The following TFAP2A variants were observed in gnomAD, a reference collection of about 807,000 sequenced individuals.
TFAP2A encodes the protein transcription factor AP-2-alpha.
Under a neutral mutation model 41.5 loss-of-function variants are expected in TFAP2A, and 7 were observed. The ratio of observed to expected loss-of-function variants is 0.17; its 90% confidence interval spans 0.10 to 0.32. The LOEUF is 0.32. TFAP2A is among the 10% of genes least tolerant of loss of function. TFAP2A has a pLI of 1.00. For synonymous variants in TFAP2A, 247 were observed against 242.8 expected, an observed-to-expected ratio of 1.02 and a Z score of -0.16; for missense variants, 416 against 563.3, an observed-to-expected ratio of 0.74 and a Z score of 2.65.
At chr6:10,419,638 AGCT>A (rs759941563), upstream of TFAP2A, 5 of 690,256 alleles carry the variant, frequency 7.2e-6, no homozygotes, top group Non-Finnish European at 1.3e-5. Context: ...TCACTCCGCC[AGCT>A]GCAGTCCCAG....
chr6:10,410,600 C>T (rs772898319), intron 1 of TFAP2A, among the ~76,000 whole-genome samples: 9 of 152,168 alleles, frequency 5.9e-5, no homozygotes, highest in Non-Finnish European at 1.2e-4. Flanking sequence ...AAAAGGGTCT[C>T]CTGGAACACA....
At chr6:10,414,824 TG>T in intron 1 of TFAP2A, 116 bp downstream of exon 1, 2 of 1,379,008 alleles carry the variant, frequency 1.5e-6, no homozygotes, top group Non-Finnish European at 2.1e-6. Flanking sequence ...GGCGCTGCGC[TG>T]GGGAAAGTTT....
chr6:10,400,554 C>T lies in TFAP2A; in HGVS notation c.925G>A (p.Val309Met), dbSNP rs377114324. 111 of 1,613,988 alleles carry T rather than the reference C, an allele frequency of 6.9e-5. No individual in the cohort carries two copies. Among genetic ancestry groups the T allele is most frequent in the Non-Finnish European group, 8.7e-5 (103 of 1,180,026 alleles). The change falls in exon 6 of 7, where the codon GTG (valine) becomes ATG (methionine). Residue 309 changes from valine (V) to methionine (M), a missense_variant. Physicochemically the swap from Val to Met is conservative, Grantham distance 21 (BLOSUM62 1). Coordinates refer to ENST00000379613, the MANE Select transcript of TFAP2A (RefSeq NM_001372066.1). Reference protein sequence around the residue: ...AVHLARDFGYVCETEFPAKAV... With the variant: ...AVHLARDFGYMCETEFPAKAV... Reference sequence around the variant, plus strand: ...TTGGCAGGAAATTCGGTTTCGCACACGTACCCAAAGTCCCTGGCTAGGTGG... The same window carrying T: ...TTGGCAGGAAATTCGGTTTCGCACATGTACCCAAAGTCCCTGGCTAGGTGG...
At position 10,410,075 on chromosome 6, in the gene TFAP2A, G is replaced by C. The variant is rs757104358; in HGVS notation, c.312C>G (p.Ser104Arg). The change falls in exon 2 of 7, where the codon AGC becomes AGG. Residue 104 changes from serine (S) to arginine (R), a missense_variant. Physicochemically the swap from Ser to Arg is moderately radical, Grantham distance 110. Coordinates refer to ENST00000379613, the MANE Select transcript of TFAP2A (RefSeq NM_001372066.1). Reference protein sequence around the residue: ...QHPGWPGQRQSQESGLLHTHR... With the variant: ...QHPGWPGQRQRQESGLLHTHR... ...GCGTGTGCAGGAGCCCAGACTCCTG[G>C]CTCTGCCTCTGGCCGGGCCAGCCTG... The C allele has an allele frequency of 1.9e-6, 3 of 1,612,862 alleles. No individual in the cohort carries two copies. Among genetic ancestry groups the C allele is most frequent in the Non-Finnish European group, 2.5e-6 (3 of 1,179,888 alleles).
chr6:10,411,595 A>G, intron 1 of TFAP2A: 1 of 1,614,088 alleles, frequency 6.2e-7, no homozygotes, highest in Non-Finnish European at 8.5e-7. Context: ...GTGAACTAAC[A>G]TCTGCGAAGA....
At chr6:10,404,475 G>A in intron 4 of TFAP2A, 33 bp downstream of exon 4, 1 of 1,448,612 alleles carries the variant, frequency 6.9e-7, no homozygotes, top group Non-Finnish European at 9.2e-7. Flanking sequence ...CCCGGCCGCG[G>A]GGCGGGGCGG....
chr6:10,401,723 C>A (rs1025856273), intron 5 of TFAP2A, among the ~76,000 whole-genome samples: 1 of 152,100 alleles, frequency 6.6e-6, no homozygotes, highest in African/African-American at 2.4e-5. Flanking sequence ...AAGAAAAACA[C>A]AGGAGAGCTA....
At chr6:10,414,829 A>C in intron 1 of TFAP2A, 112 bp downstream of exon 1, 1 of 1,431,594 alleles carries the variant, frequency 7.0e-7, no homozygotes, top group Non-Finnish European at 9.8e-7. Flanking sequence ...TGCGCTGGGG[A>C]AAGTTTGTCC....
chr6:10,414,699 A>C, intron 1 of TFAP2A: 1 of 634,612 alleles, frequency 1.6e-6, no homozygotes, highest in Admixed American at 2.5e-5. Context: ...AAAATTGGTC[A>C]GAAAGGGGAG....
chr6:10,397,070 C>T lies in TFAP2A; in HGVS notation c.*1347G>A, dbSNP rs573067252. 1.6e-4 allele frequency: 25 copies of T among 152,542 alleles called. No homozygotes were observed. Among genetic ancestry groups the T allele is most frequent in the Non-Finnish European group, 2.9e-4 (20 of 68,026 alleles). 9.4% of individuals were successfully genotyped at this position (152,542 alleles called of 1,614,324 possible). On this transcript the variant is annotated 3_prime_UTR_variant, in exon 7 of 7. Transcript: ENST00000379613. Reference sequence around the variant, plus strand: ...TAAAGCGTATCAAATATTTATTTATCTGGGCAACAAAGGACTATGATACAT... The same window carrying T: ...TAAAGCGTATCAAATATTTATTTATTTGGGCAACAAAGGACTATGATACAT...
chr6:10,414,271 G>T (rs763808578), intron 1 of TFAP2A, among the ~76,000 whole-genome samples: 12 of 152,218 alleles, frequency 7.9e-5, no homozygotes, highest in Non-Finnish European at 1.8e-4. Context: ...CGTCGATCCT[G>T]TAGCTCAGAG....
intron 1 of TFAP2A, chr6:10,411,812 G>A: frequency 7.0e-7 from 1 of 1,436,618 alleles, no homozygotes; most frequent in Non-Finnish European, 9.1e-7. Flanking sequence ...GCCTTCAGCT[G>A]GTCGAACCCA....
intron 2 of TFAP2A, 122 bp from the exon 3 acceptor site, chr6:10,406,966 A>G: frequency 2.5e-6 from 2 of 812,476 alleles, no homozygotes; most frequent in South Asian, 2.8e-5. Context: ...GTATAATGAC[A>G]TTTATATATA....
chr6:10,415,154 GGAGGAGGAGGAAGAGGAGGGC>G, upstream of TFAP2A: 1 of 1,528,426 alleles, frequency 6.5e-7, no homozygotes, highest in Non-Finnish European at 8.8e-7. Flanking sequence ...AGGGCAAGGA[GGAGGAGGAGGAAGAGGAGGGC>G]GAGGAGGAGG....
At chr6:10,409,498 A>T (rs1757855565) in intron 2 of TFAP2A, 2 of 219,610 alleles carry the variant, frequency 9.1e-6, no homozygotes, top group Non-Finnish European at 1.9e-5. Context: ...AGGACATTTA[A>T]TGAGCTCTTT....
chr6:10,414,302 C>T (rs961857648), intron 1 of TFAP2A, among the ~76,000 whole-genome samples: 1 of 152,174 alleles, frequency 6.6e-6, no homozygotes, highest in African/African-American at 2.4e-5. Context: ...CTTAGAACTT[C>T]GTGAAGCACA....
Position 10,402,205 on chromosome 6 carries a change from C to CAG in TFAP2A, c.889+286_889+287insCT, listed in dbSNP as rs1160860. On this transcript the variant is annotated intron_variant, in intron 5 of 6. Transcript: ENST00000379613. The stretch of plus-strand genomic sequence containing the variant: ...TTACTGCTGAGCCCTTTAAAGGAGA[C>CAG]AAACTTGGAGAATGTGCAGTTCTTA... 107,347 of 491,704 alleles carry CAG rather than the reference C, an allele frequency of 0.22. 18,283 individuals are homozygous for CAG. The highest frequency in any genetic ancestry group is 0.66 in the African/African-American group (33,559 of 51,036). The allele number at this position is 491,704 out of a possible 1,614,324, so 30.5% of individuals were successfully genotyped here.
rs553720837 is a variant in TFAP2A, at chr6:10,402,441, T to C, written c.889+51A>G. On this transcript the variant is annotated intron_variant, in intron 5 of 6. Coordinates refer to ENST00000379613, the MANE Select transcript of TFAP2A (RefSeq NM_001372066.1). ...CCAAACATCTGGCCACTAAATATTA[T>C]CCATTTTCCAAGAAGGAAGTTCCTT... The C allele has an allele frequency of 4.1e-5, 55 of 1,326,650 alleles. 1 individual carries two copies. The South Asian group carries it at 6.0e-4, about 14-fold the overall frequency. The allele number at this position is 1,326,650 out of a possible 1,614,324, so 82.2% of individuals were successfully genotyped here.
chr6:10,398,496 A>C lies in TFAP2A; in HGVS notation c.1241T>G (p.Met414Arg), dbSNP rs1332712198. Residue 414 changes from methionine to arginine, a missense_variant, in exon 7 of 7, where the codon ATG becomes AGG. Met to Arg is a moderately conservative substitution (Grantham distance 91). Coordinates refer to ENST00000379613, the MANE Select transcript of TFAP2A (RefSeq NM_001372066.1). This position sits in a 1 kb window ranked among gnomAD's most constrained non-coding sequence, Gnocchi z 5.3. ...GCTGTTGGGGTTGTTGCTGAGGTAC[A>C]TTTTGTCCATGGCCTTGAGGGCCTC... ...LTEALKAMDK[M>R]YLSNNPNSHT... The C allele has an allele frequency of 1.2e-6, 2 of 1,613,890 alleles. No homozygotes were observed. The highest frequency in any genetic ancestry group is 2.7e-5 in the African/African-American group (2 of 74,848).
Sources: allele counts gnomAD v4.1 joint callset (sites outside exome capture counted in the v4.1 genomes callset), GRCh38; gene constraint gnomAD v4.1.1; non-coding constraint Gnocchi (gnomAD v3.1); transcripts MANE v1.5; gene names NCBI Gene and HGNC (gene_info 2026-07-23, HGNC 2026-07-21).